NALF1: variants seen among roughly 807,000 people sequenced by gnomAD.
NALF1 encodes family with sequence similarity 155 member A.
Under a neutral mutation model 48.4 loss-of-function variants are expected in NALF1, and 3 were observed. The ratio of observed to expected loss-of-function variants is 0.06; its 90% CI spans 0.03 to 0.16. The LOEUF (loss-of-function observed/expected upper bound fraction) is 0.16, where lower values mean the gene tolerates loss of function less well. Among genes scored for constraint, NALF1 ranks in the 10% least tolerant of loss-of-function variants. The pLI, the probability that NALF1 is intolerant of heterozygous loss-of-function variation, is 1.00. For missense variants in NALF1, 526 were observed against 571.5 expected, an observed-to-expected ratio of 0.92 and a Z score of 0.81; for synonymous variants, 262 against 245.7, an observed-to-expected ratio of 1.07 and a Z score of -0.62.
At chr13:107,805,377 G>C (rs1235801759) in intron 1 of NALF1, among the ~76,000 whole-genome samples, 1 of 152,128 alleles carries the variant, frequency 6.6e-6, no homozygotes, top group Non-Finnish European at 1.5e-5. Flanking sequence ...TGTTATTTCA[G>C]ACATGTTTGT....
At chr13:107,765,014 G>A (rs1307467745) in intron 1 of NALF1, among the ~76,000 whole-genome samples, 1 of 152,092 alleles carries the variant, frequency 6.6e-6, no homozygotes, top group East Asian at 1.9e-4. Flanking sequence ...CAGCATCCTT[G>A]CTAAGTCCTC....
At chr13:107,459,897 A>G (rs1884889836) in intron 1 of NALF1, among the ~76,000 whole-genome samples, 1 of 152,040 alleles carries the variant, frequency 6.6e-6, no homozygotes. Context: ...GTGTGCCACC[A>G]CACCCAGCTA....
intron 1 of NALF1, among the ~76,000 whole-genome samples, chr13:107,829,022 G>A (rs1879622082): frequency 1.3e-5 from 2 of 152,040 alleles, no homozygotes; most frequent in South Asian, 2.1e-4. Context: ...TATCTTAGAA[G>A]AGCTCCAAAA....
At chr13:107,197,742 CCA>C (rs1879423916) in intron 2 of NALF1, among the ~76,000 whole-genome samples, 2 of 152,168 alleles carry the variant, frequency 1.3e-5, no homozygotes, top group South Asian at 4.2e-4. Context: ...AATCATTTGT[CCA>C]CACTTGCTTT....
At chr13:107,569,274 C>A (rs1877908643) in intron 1 of NALF1, among the ~76,000 whole-genome samples, 4 of 152,024 alleles carry the variant, frequency 2.6e-5, no homozygotes, top group Admixed American at 2.6e-4. Context: ...TTGAGACCAT[C>A]CTGGCCAACA....
At chr13:107,277,772 TGA>T (rs757526584) in intron 1 of NALF1, among the ~76,000 whole-genome samples, 31 of 152,284 alleles carry the variant, frequency 2.0e-4, no homozygotes, top group Non-Finnish European at 4.3e-4. Context: ...AAAGTATCAG[TGA>T]GAGAGTTTAA....
intron 1 of NALF1, among the ~76,000 whole-genome samples, chr13:107,225,094 C>T (rs527769497): frequency 3.9e-4 from 60 of 152,190 alleles, no homozygotes; most frequent in African/African-American, 1.4e-3. Context: ...CTGCAACCTC[C>T]GCCTCCAGGG....
At chr13:107,201,198 C>T (rs1284341888) in intron 2 of NALF1, among the ~76,000 whole-genome samples, 1 of 150,384 alleles carries the variant, frequency 6.6e-6, no homozygotes, top group Non-Finnish European at 1.5e-5. Flanking sequence ...TATCTATCTA[C>T]CCATCCATAA....
At position 107,618,666 on chromosome 13, in the gene NALF1, T is replaced by C. The variant is rs534747969; in HGVS notation, c.915+247016A>G. Among the ~76,000 whole-genome samples, 9 of 152,190 alleles carry C rather than the reference T, an allele frequency of 5.9e-5. No homozygotes were observed. In the South Asian group the frequency reaches 1.5e-3, roughly 25 times the overall value. ...CAATTTGGAGGATTTGCTGGAAGAC[T>C]TCATGTGTGTGTCAGGGATAGGATG... On this transcript the variant is annotated intron_variant, in intron 1 of 2. Coordinates refer to ENST00000375915, the MANE Select transcript of NALF1 (RefSeq NM_001080396.3).
intron 1 of NALF1, among the ~76,000 whole-genome samples, chr13:107,610,023 G>A (rs987005669): frequency 6.6e-6 from 1 of 152,152 alleles, no homozygotes; most frequent in Non-Finnish European, 1.5e-5. Context: ...AACTTTAGAA[G>A]TGATGAAATG....
chr13:107,703,156 C>A (rs1318554707), intron 1 of NALF1, among the ~76,000 whole-genome samples: 1 of 152,140 alleles, frequency 6.6e-6, no homozygotes, highest in South Asian at 2.1e-4. Context: ...AACCCTGTCA[C>A]TCTTCTTATT....
intron 1 of NALF1, among the ~76,000 whole-genome samples, chr13:107,250,537 G>C (rs1365993849): frequency 1.3e-5 from 2 of 152,154 alleles, no homozygotes; most frequent in African/African-American, 4.8e-5. Context: ...ATAGAGATAT[G>C]TGATAGAAAT....
At chr13:107,533,220 T>C (rs978871181) in intron 1 of NALF1, among the ~76,000 whole-genome samples, 2 of 152,178 alleles carry the variant, frequency 1.3e-5, no homozygotes, top group African/African-American at 4.8e-5. Flanking sequence ...GAAACATTTA[T>C]AGAAATTTAC....
chr13:107,415,426 A>G (rs1884068962), intron 1 of NALF1, among the ~76,000 whole-genome samples: 1 of 152,058 alleles, frequency 6.6e-6, no homozygotes. Flanking sequence ...TCTGCTTGAA[A>G]GCAACAGTAC....
chr13:107,317,184 G>A (rs1882166999), intron 1 of NALF1, among the ~76,000 whole-genome samples: 1 of 152,004 alleles, frequency 6.6e-6, no homozygotes, highest in East Asian at 1.9e-4. Context: ...GTAGCAAAAT[G>A]AAAGATTATC....
intron 1 of NALF1, among the ~76,000 whole-genome samples, chr13:107,239,876 G>A (rs1316369854): frequency 6.6e-6 from 1 of 152,148 alleles, no homozygotes; most frequent in Non-Finnish European, 1.5e-5. Context: ...CACTTATGAA[G>A]CAGGGAGAAA....
intron 1 of NALF1, among the ~76,000 whole-genome samples, chr13:107,849,438 G>A (rs756049923): frequency 9.2e-5 from 14 of 152,312 alleles, no homozygotes; most frequent in Middle Eastern, 3.4e-3. Context: ...TGGGTGGTAA[G>A]TTAATCTGCA....
At chr13:107,714,322 C>T (rs1256863016) in intron 1 of NALF1, among the ~76,000 whole-genome samples, 2 of 152,122 alleles carry the variant, frequency 1.3e-5, no homozygotes, top group African/African-American at 4.8e-5. Flanking sequence ...TGGCTTCACA[C>T]CATGAGACTT....
At chr13:107,777,292 G>A (rs1195492693) in intron 1 of NALF1, among the ~76,000 whole-genome samples, 2 of 152,122 alleles carry the variant, frequency 1.3e-5, no homozygotes, top group Non-Finnish European at 2.9e-5. Flanking sequence ...CAACTAGGAG[G>A]TGGTACAGCC....
Sources: allele counts gnomAD v4.1 joint callset (sites outside exome capture counted in the v4.1 genomes callset), GRCh38; gene constraint gnomAD v4.1.1; transcripts MANE v1.5; gene names NCBI Gene and HGNC (gene_info 2026-07-23, HGNC 2026-07-21).